The following KLHL42 variants were observed in gnomAD, a reference collection of about 807,000 sequenced individuals.
The protein encoded by KLHL42 is kelch like family member 42.
Under a neutral mutation model 32.7 loss-of-function variants are expected in KLHL42, and 27 were observed. That is an observed-to-expected ratio of 0.83 (90% confidence interval 0.61 to 1.14). KLHL42 has a LOEUF of 1.14. Ranked by LOEUF, KLHL42 falls within the 50% of genes most tolerant of loss-of-function variation. The probability of loss-of-function intolerance (pLI) is 0.00; values close to 1 mark genes in which losing one functional copy is unlikely to be tolerated. For missense variants in KLHL42, 491 were observed against 560.8 expected (o/e 0.88, Z 1.26); for synonymous variants, 267 against 248.2 (o/e 1.08, Z -0.71).
chr12:27,796,212 A>G (rs1050790041), intron 2 of KLHL42, among the ~76,000 whole-genome samples: 6 of 152,188 alleles, frequency 3.9e-5, no homozygotes, highest in Non-Finnish European at 8.8e-5. Flanking sequence ...CTCTTAGGAG[A>G]TACTTCAGTT....
chr12:27,796,308 A>G (rs970177752), intron 2 of KLHL42, among the ~76,000 whole-genome samples: 33 of 152,308 alleles, frequency 2.2e-4, no homozygotes, highest in Admixed American at 1.4e-3. Context: ...TGTAAGAGGT[A>G]TGAAACTTCT....
intron 2 of KLHL42, among the ~76,000 whole-genome samples, chr12:27,793,030 A>G (rs1043645310): frequency 1.3e-5 from 2 of 152,176 alleles, no homozygotes; most frequent in Admixed American, 6.5e-5. Flanking sequence ...GATTACAGGC[A>G]TAAGTCACCA....
intron 1 of KLHL42, among the ~76,000 whole-genome samples, chr12:27,786,963 G>A (rs905688014): frequency 6.6e-6 from 1 of 151,702 alleles, no homozygotes; most frequent in Admixed American, 6.6e-5. Context: ...CTGACCTCGT[G>A]ATCTGCCTGC....
At chr12:27,797,213 C>CTCCTGACT in intron 2 of KLHL42, 1 of 455,976 alleles carries the variant, frequency 2.2e-6, no homozygotes, top group South Asian at 1.5e-5. Context: ...TGCTGCCTTT[C>CTCCTGACT]TCCTGACTTG....
chr12:27,792,030 C>A, intron 2 of KLHL42, 129 bp downstream of exon 2: 1 of 703,024 alleles, frequency 1.4e-6, no homozygotes, highest in South Asian at 1.8e-5. Context: ...TGTACACTTA[C>A]ACATCTGGAA....
At position 27,800,713 on chromosome 12, in the gene KLHL42, A is replaced by G. The variant is rs1336269901; in HGVS notation, c.*2547A>G. Reference sequence around the variant, plus strand: ...ACAGTGCAAGACTCTGTCTCCAAAAAAAAAAAAAGAAAAAAGAAAATCCCC... The same window carrying G: ...ACAGTGCAAGACTCTGTCTCCAAAAGAAAAAAAAGAAAAAAGAAAATCCCC... On this transcript the variant is annotated 3_prime_UTR_variant, in exon 3 of 3. Coordinates refer to ENST00000381271, the MANE Select transcript of KLHL42 (RefSeq NM_020782.2). 1 of 152,580 alleles carries G rather than the reference A, an allele frequency of 6.6e-6. No homozygotes were observed. The highest frequency in any genetic ancestry group is 6.5e-5 in the Admixed American group (1 of 15,280). 9.5% of individuals were successfully genotyped at this position (152,580 alleles called of 1,614,324 possible).
At position 27,802,320 on chromosome 12, in the gene KLHL42, G is replaced by GTT. The variant is rs2062251379; in HGVS notation, c.*4154_*4155insTT. The GTT allele has an allele frequency of 6.6e-6, 1 of 152,102 alleles. No individual in the cohort carries two copies. Among genetic ancestry groups the GTT allele is most frequent in the Non-Finnish European group, 1.5e-5 (1 of 68,024 alleles). The allele number at this position is 152,102 out of a possible 1,614,324, so 9.4% of individuals were successfully genotyped here. A position where few individuals can be genotyped will look rare whatever the true frequency, so the allele number is the denominator to read the frequency against. On this transcript the variant is annotated 3_prime_UTR_variant, in exon 3 of 3. Transcript: ENST00000381271. ...AGCTGGGGAAGTTAGTATCTAAGAG[G>GTT]GGCAAGCTGATTGCATGTGCATTTA... is the stretch of plus-strand genomic sequence containing the variant.
intron 2 of KLHL42, chr12:27,797,356 T>C: frequency 2.1e-6 from 1 of 471,968 alleles, no homozygotes; most frequent in Non-Finnish European, 4.2e-6. Context: ...GTCGGTAATT[T>C]TGTAGCTATT....
rs2062204553 is a variant in KLHL42, at chr12:27,793,166, GGAGGCTGAGGCAGGAGGATTGCTT to G, written c.1066+1275_1066+1298del. Among the ~76,000 whole-genome samples the G allele has an allele frequency of 2.0e-5, 3 of 152,264 alleles. No individual in the cohort carries two copies. The South Asian group carries it at 6.2e-4, about 32-fold the overall frequency. On this transcript the variant is annotated intron_variant, in intron 2 of 2. Coordinates refer to ENST00000381271, the MANE Select transcript of KLHL42 (RefSeq NM_020782.2). ...CTCATGACTGTAATCCAGCACTTTG[GGAGGCTGAGGCAGGAGGATTGCTT>G]GAGGCTGAGAGTTGAGGACAGGCCT...
chr12:27,797,077 T>A (rs533247401), intron 2 of KLHL42, among the ~76,000 whole-genome samples: 70 of 151,536 alleles, frequency 4.6e-4, no homozygotes, highest in Admixed American at 8.5e-4. Context: ...GTCTCTCTGG[T>A]GATATAATGG....
chr12:27,797,868 G>A lies in KLHL42; in HGVS notation c.1220G>A (p.Arg407His), dbSNP rs994002394. 2 of 780,496 alleles carry A rather than the reference G, an allele frequency of 2.6e-6. No individual in the cohort carries two copies. Among genetic ancestry groups the A allele is most frequent in the Admixed American group, 1.7e-5 (1 of 59,026 alleles). 48.3% of individuals were successfully genotyped at this position (780,496 alleles called of 1,614,324 possible). A position where few individuals can be genotyped will look rare whatever the true frequency, so the allele number is the denominator to read the frequency against. Residue 407 changes from arginine (R) to histidine (H), a missense_variant, in exon 3 of 3, where the codon CGC becomes CAC. Arg to His is a conservative substitution (Grantham distance 29, BLOSUM62 0). This residue lies in a region of KLHL42 where 152 missense variants were observed against 125.9 expected (regional missense o/e 1.21). Transcript: ENST00000381271. Reference sequence around the variant, plus strand: ...TGTCTCCACGAGCTGGGGCCCAACCGCAGGAGCAGCCAGAGCGAGGACATG... The same window carrying A: ...TGTCTCCACGAGCTGGGGCCCAACCACAGGAGCAGCCAGAGCGAGGACATG... ...GGCLHELGPN[R>H]RSSQSEDMLT...
At chr12:27,796,804 T>G (rs774271663) in intron 2 of KLHL42, among the ~76,000 whole-genome samples, 18 of 152,090 alleles carry the variant, frequency 1.2e-4, no homozygotes, top group Non-Finnish European at 2.4e-4. Context: ...CCTGGCTAAT[T>G]TTTTATTTTT....
chr12:27,789,853 C>G (rs1447934377), intron 1 of KLHL42, among the ~76,000 whole-genome samples: 1 of 152,028 alleles, frequency 6.6e-6, no homozygotes, highest in Non-Finnish European at 1.5e-5. Flanking sequence ...AGGGACAAGA[C>G]GAGGCTCTTG....
At chr12:27,792,155 CTT>C in intron 2 of KLHL42, 5 of 264,554 alleles carry the variant, frequency 1.9e-5, no homozygotes, top group South Asian at 8.8e-5. Context: ...AATGTTATCT[CTT>C]TTTTTTTGCT....
chr12:27,781,281 C>CT, intron 1 of KLHL42, 79 bp downstream of exon 1: 6 of 1,452,328 alleles, frequency 4.1e-6, no homozygotes, highest in Non-Finnish European at 5.6e-6. Context: ...GTTTACTGAG[C>CT]CAGTAAATAG....
Position 27,781,216 on chromosome 12 carries a change from C to G in KLHL42, c.872+14C>G. The G allele has an allele frequency of 6.2e-7, 1 of 1,612,174 alleles. No individual in the cohort carries two copies. Among genetic ancestry groups the G allele is most frequent in the Non-Finnish European group, 8.5e-7 (1 of 1,179,700 alleles). On this transcript the variant is annotated intron_variant, in intron 1 of 2. Coordinates refer to ENST00000381271, the MANE Select transcript of KLHL42 (RefSeq NM_020782.2). The stretch of plus-strand genomic sequence containing the variant: ...GAACCAGAAGAGGTAAGCACCCCGG[C>G]AGAGTGCTGCTGCCTTCTCATTCAT...
In KLHL42 at chr12:27,780,427, C is replaced by T; in HGVS notation, c.97C>T (p.Leu33Phe). The T allele has an allele frequency of 6.4e-7, 1 of 1,553,928 alleles. No homozygotes were observed. Among genetic ancestry groups the T allele is most frequent in the Non-Finnish European group, 8.7e-7 (1 of 1,151,008 alleles). ...LIEQSDYFRALYRSGMREALS... is the reference protein window; with the variant it reads ...LIEQSDYFRAFYRSGMREALS... ...CGAGCAGAGCGACTACTTCCGCGCC[C>T]TCTACCGCTCCGGCATGCGCGAGGC... is the stretch of plus-strand genomic sequence containing the variant. The change falls in exon 1 of 3, where the codon CTC becomes TTC. Residue 33 changes from leucine to phenylalanine, a missense_variant. By Grantham distance (22) the Leu-to-Phe change is conservative. Coordinates refer to ENST00000381271, the MANE Select transcript of KLHL42 (RefSeq NM_020782.2). The surrounding 1 kb of genome is among the most constrained non-coding windows in gnomAD (Gnocchi z 8.8).
chr12:27,795,482 T>A (rs763799770), intron 2 of KLHL42, among the ~76,000 whole-genome samples: 10 of 152,190 alleles, frequency 6.6e-5, no homozygotes, highest in South Asian at 6.2e-4. Flanking sequence ...GATGGCTATT[T>A]GTGTAAGGGC....
chr12:27,797,271 C>T (rs1180842130), intron 2 of KLHL42: 3 of 456,882 alleles, frequency 6.6e-6, no homozygotes, highest in African/African-American at 6.0e-5. Context: ...TCCTGTGTTG[C>T]TACTTGTCAT....
Sources: gnomAD v4.1 joint callset for allele counts (sites outside exome capture counted in the v4.1 genomes callset) on GRCh38, gnomAD v4.1.1 for gene constraint, gnomAD v4.1.1 regional missense constraint, Gnocchi (gnomAD v3.1) non-coding constraint, MANE v1.5 for transcripts, NCBI Gene and HGNC (gene_info 2026-07-23, HGNC 2026-07-21) for gene names.